Variants in C22orf31 observed in about 807,000 individuals in gnomAD.
C22orf31 encodes the protein uncharacterized protein C22orf31.
A neutral mutation model predicts 15.0 loss-of-function variants in C22orf31; 11 were observed. That is an observed-to-expected ratio of 0.73 (90% CI 0.46 to 1.21). The LOEUF (loss-of-function observed/expected upper bound fraction) is 1.21, where lower values mean the gene tolerates loss of function less well. C22orf31 is among the 50% of genes most tolerant of loss of function. C22orf31 has a pLI of 0.00. For synonymous variants in C22orf31, 132 were observed against 133.3 expected (o/e 0.99, Z 0.07); for missense variants, 340 against 347.2 (o/e 0.98, Z 0.17).
At chr22:29,061,152 A>G (rs2037386902) in intron 1 of C22orf31, among the ~76,000 whole-genome samples, 1 of 152,174 alleles carries the variant, frequency 6.6e-6, no homozygotes, top group African/African-American at 2.4e-5. Context: ...CTGGAAAGAT[A>G]CGGACGGCAG....
Position 29,058,922 on chromosome 22 carries a change from G to A in C22orf31, c.693C>T (p.Thr231=). The part of the protein sequence containing the change: ...VEPMLWNPSG[T]PKRYSLELGK... ...CCAGCTCCAGGCTGTACCTCTTGGG[G>A]GTCCCTGAAGGATTCCACAGCATTG... The change falls in exon 3 of 3, where the codon ACC becomes ACT. Residue 231 remains threonine (T), a synonymous_variant. Coordinates refer to ENST00000216071, the MANE Select transcript of C22orf31 (RefSeq NM_015370.2). The A allele has an allele frequency of 2.5e-6, 4 of 1,614,178 alleles. No homozygotes were observed. The highest frequency in any genetic ancestry group is 1.1e-5 in the South Asian group (1 of 91,070).
At chr22:29,070,041 G>T in the C22orf31 span, among the ~76,000 whole-genome samples, 1 of 148,846 alleles carries the variant, frequency 6.7e-6, no homozygotes, top group African/African-American at 2.5e-5. Context: ...CACCTCCCAG[G>T]TTCAAGCAAT....
Position 29,058,708 on chromosome 22 carries a change from G to A in C22orf31, c.*34C>T, listed in dbSNP as rs763633158. 6.7e-6 allele frequency: 10 copies of A among 1,493,352 alleles called. No individual in the cohort carries two copies. Among genetic ancestry groups the A allele is most frequent in the Non-Finnish European group, 7.3e-6 (8 of 1,095,870 alleles). The allele number at this position is 1,493,352 out of a possible 1,614,324, so 92.5% of individuals were successfully genotyped here. A position where few individuals can be genotyped will look rare whatever the true frequency, so the allele number is the denominator to read the frequency against. On this transcript the variant is annotated 3_prime_UTR_variant, in exon 3 of 3. Coordinates refer to ENST00000216071, the MANE Select transcript of C22orf31 (RefSeq NM_015370.2). ...GTTGTGTTTATTTTTCAGATCTCTA[G>A]CAGAGAATACTCTAATCCCATGAGT...
chr22:29,066,547 T>C (rs796468719), upstream of C22orf31, among the ~76,000 whole-genome samples: 301 of 12,244 alleles, frequency 0.025, no homozygotes, highest in South Asian at 0.13. Flanking sequence ...TTCTTTTTTT[T>C]TTTTTTTTTT....
the C22orf31 span, among the ~76,000 whole-genome samples, chr22:29,071,417 T>A: frequency 7.0e-6 from 1 of 142,188 alleles, no homozygotes; most frequent in African/African-American, 2.6e-5. Flanking sequence ...AGTTTGGGGG[T>A]ACGCGGGCTC....
In C22orf31 at chr22:29,060,696, T is replaced by C. The variant is rs766658573; in HGVS notation, c.151A>G (p.Ile51Val). The change falls in exon 2 of 3, where the codon ATT becomes GTT. Residue 51 changes from isoleucine to valine, a missense_variant. Physicochemically the swap from Ile to Val is conservative, Grantham distance 29. Coordinates refer to ENST00000216071, the MANE Select transcript of C22orf31 (RefSeq NM_015370.2). ...GTGGTAGCTGGTGCTGGGGCATTAA[T>C]GTTCTGCTTTGCACATGTTCTGGCC... ...WMARTCAKQN[I>V]NAPAPATTSS... The C allele has an allele frequency of 4.3e-6, 7 of 1,614,172 alleles. No individual in the cohort carries two copies. The South Asian group carries it at 7.7e-5, about 18-fold the overall frequency.
upstream of C22orf31, chr22:29,061,836 G>T (rs775877715): frequency 2.1e-6 from 3 of 1,450,248 alleles, no homozygotes; most frequent in Non-Finnish European, 2.8e-6. Flanking sequence ...TTAGTAAGGG[G>T]AAGAAATATG....
chr22:29,070,227 G>A, the C22orf31 span, among the ~76,000 whole-genome samples: 2 of 152,202 alleles, frequency 1.3e-5, no homozygotes, highest in Non-Finnish European at 2.9e-5. Flanking sequence ...GATTACAGGC[G>A]TGAGCCACAG....
At chr22:29,068,928 C>T in the C22orf31 span, among the ~76,000 whole-genome samples, 1 of 151,846 alleles carries the variant, frequency 6.6e-6, no homozygotes, top group African/African-American at 2.4e-5. Flanking sequence ...CTACACCTGG[C>T]TAGTTTTTGT....
chr22:29,072,634 T>G, the C22orf31 span, among the ~76,000 whole-genome samples: 1 of 152,242 alleles, frequency 6.6e-6, no homozygotes, highest in Non-Finnish European at 1.5e-5. Flanking sequence ...GTTTGCAAAC[T>G]GCTGTTGTAA....
At chr22:29,067,286 TGTG>T in the C22orf31 span, among the ~76,000 whole-genome samples, 1 of 151,608 alleles carries the variant, frequency 6.6e-6, no homozygotes, top group African/African-American at 2.4e-5. Context: ...GATTTTTTAT[TGTG>T]TTTTCTAAAA....
chr22:29,069,234 C>T, the C22orf31 span, among the ~76,000 whole-genome samples: 1 of 152,142 alleles, frequency 6.6e-6, no homozygotes, highest in Non-Finnish European at 1.5e-5. Flanking sequence ...TTGTGAAATG[C>T]AACCGTAGAC....
At chr22:29,066,397 C>T (rs114570132), upstream of C22orf31, among the ~76,000 whole-genome samples, 45 of 152,226 alleles carry the variant, frequency 3.0e-4, no homozygotes, top group African/African-American at 1.0e-3. Context: ...ATGATTTGGA[C>T]CACATGTGCT....
At chr22:29,063,328 G>A (rs191534473), upstream of C22orf31, among the ~76,000 whole-genome samples, 1 of 152,204 alleles carries the variant, frequency 6.6e-6, no homozygotes, top group East Asian at 1.9e-4. Context: ...ACCAAGCCCA[G>A]CTAATTTTTG....
the C22orf31 span, chr22:29,073,041 G>A: frequency 4.6e-6 from 1 of 216,400 alleles, no homozygotes; most frequent in Non-Finnish European, 7.8e-6. This position sits in a 1 kb window ranked among gnomAD's most constrained non-coding sequence, Gnocchi z 4.4. Context: ...CTACACTCGG[G>A]CCCCGCGTCC....
rs769832162 is a variant in C22orf31 at position 29,060,407 on chromosome 22, T to C, written c.432+8A>G. On this transcript the variant is annotated splice_region_variant and intron_variant, in intron 2 of 2. Coordinates refer to ENST00000216071, the MANE Select transcript of C22orf31 (RefSeq NM_015370.2). ...GTCACATTTTCCCCACCACTGGTCC[T>C]CGTCTACCTCTCTGATGCCTCCTGC... The C allele has an allele frequency of 1.9e-6, 3 of 1,605,870 alleles. No individual in the cohort carries two copies. In the Admixed American group the frequency reaches 5.1e-5, roughly 27 times the overall value.
At position 29,060,709 on chromosome 22, in the gene C22orf31, A is replaced by T; in HGVS notation, c.138T>A (p.Cys46Ter). ...CTGGGGCATTAATGTTCTGCTTTGC[A>T]CATGTTCTGGCCATCCAGATGTTGG... is the stretch of plus-strand genomic sequence containing the variant. ...ALTNIWMART[C>*]AKQNINAPAP... The change falls in exon 2 of 3, where the codon TGT becomes TGA. Residue 46 changes from cysteine to a stop codon, truncating the protein, a stop_gained. Coordinates refer to ENST00000216071, the MANE Select transcript of C22orf31 (RefSeq NM_015370.2). LOFTEE classifies it high-confidence loss of function. 1 of 1,614,138 alleles carries T rather than the reference A, an allele frequency of 6.2e-7. No individual in the cohort carries two copies. The highest frequency in any genetic ancestry group is 8.5e-7 in the Non-Finnish European group (1 of 1,180,036).
chr22:29,068,174 C>A, the C22orf31 span, among the ~76,000 whole-genome samples: 1 of 151,076 alleles, frequency 6.6e-6, no homozygotes, highest in Non-Finnish European at 1.5e-5. Flanking sequence ...TTCTGTCTCC[C>A]GGGTTCAAGT....
At chr22:29,066,067 CT>C (rs2037427407), upstream of C22orf31, among the ~76,000 whole-genome samples, 2 of 149,626 alleles carry the variant, frequency 1.3e-5, no homozygotes, top group Admixed American at 1.3e-4. Context: ...TTTTTTTTGT[CT>C]TTCCTTTACT....
Sources: gnomAD v4.1 joint callset for allele counts (sites outside exome capture counted in the v4.1 genomes callset) on GRCh38, gnomAD v4.1.1 for gene constraint, Gnocchi (gnomAD v3.1) non-coding constraint, MANE v1.5 for transcripts, NCBI Gene and HGNC (gene_info 2026-07-23, HGNC 2026-07-21) for gene names.